Variants in GPSM1 observed in about 807,000 individuals in gnomAD.
The protein encoded by GPSM1 is G protein signaling modulator 1.
GPSM1 carries 48 observed loss-of-function variants against 70.5 expected under a neutral mutation model. The ratio of observed to expected loss-of-function variants is 0.68; its 90% confidence interval spans 0.54 to 0.87. The LOEUF is 0.87. Ranked by LOEUF, GPSM1 falls within the 40% of genes least tolerant of loss-of-function variation. The pLI is 0.00. For missense variants in GPSM1, 981 were observed against 972.6 expected (o/e 1.01, Z -0.11); for synonymous variants, 416 against 430.1 (o/e 0.97, Z 0.41).
rs1171282019 is a variant in GPSM1, at chr9:136,342,383, G to C, written c.1207+1390G>C. Among the ~76,000 whole-genome samples, 1 of 152,208 alleles carries C rather than the reference G, an allele frequency of 6.6e-6. No homozygotes were observed. Among genetic ancestry groups the C allele is most frequent in the Non-Finnish European group, 1.5e-5 (1 of 68,026 alleles). On this transcript the variant is annotated intron_variant, in intron 9 of 13. Transcript: ENST00000440944. The surrounding 1 kb of genome is among the most constrained non-coding windows in gnomAD (Gnocchi z 5.5). Reference sequence around the variant, plus strand: ...TTTCTTTCTTGGAGCCAAGGAAAAGGGGGGCCGGAGTGGGAGGACGCTGGA... The same window carrying C: ...TTTCTTTCTTGGAGCCAAGGAAAAGCGGGGCCGGAGTGGGAGGACGCTGGA...
intron 11 of GPSM1, among the ~76,000 whole-genome samples, chr9:136,350,721 C>T (rs1483558117): frequency 1.4e-4 from 22 of 152,244 alleles, no homozygotes; most frequent in Admixed American, 1.4e-3. Flanking sequence ...CAGAGGGTCA[C>T]AGCCCAGCAA....
At chr9:136,349,463 G>A in intron 10 of GPSM1, 124 bp from the exon 11 acceptor site, 1 of 848,442 alleles carries the variant, frequency 1.2e-6, no homozygotes, top group Non-Finnish European at 1.8e-6. Flanking sequence ...CCTCCTCTCT[G>A]GGTACTGGGC....
intron 13 of GPSM1, among the ~76,000 whole-genome samples, chr9:136,357,782 G>A (rs782028478): frequency 6.6e-6 from 1 of 152,262 alleles, no homozygotes; most frequent in East Asian, 1.9e-4. Context: ...TCCTGGGCGG[G>A]CCTGCCCTGG....
At chr9:136,352,310 A>G (rs189386273) in intron 11 of GPSM1, among the ~76,000 whole-genome samples, 25 of 140,388 alleles carry the variant, frequency 1.8e-4, no homozygotes, top group Admixed American at 5.1e-4. Flanking sequence ...TGTTGGTGAC[A>G]CCGATGCTGC....
In GPSM1 at chr9:136,352,269, G is replaced by A. The variant is rs553055819; in HGVS notation, c.1455+2506G>A. Among the ~76,000 whole-genome samples, 564 of 129,462 alleles carry A rather than the reference G, an allele frequency of 4.4e-3. 137 individuals carry two copies. Among genetic ancestry groups the A allele is most frequent in the Non-Finnish European group, 6.3e-3 (382 of 60,170 alleles). 84.9% of individuals were successfully genotyped at this position (129,462 alleles called of 152,430 possible). ...TTGGTGACACCGATGCTGCGCCGTT[G>A]CTGTTGGTGACACCGATGCTGCGCC... On this transcript the variant is annotated intron_variant, in intron 11 of 13. Transcript: ENST00000440944.
At chr9:136,337,144 AC>A in intron 4 of GPSM1, 72 bp downstream of exon 4, 3 of 1,344,736 alleles carry the variant, frequency 2.2e-6, no homozygotes, top group Non-Finnish European at 3.0e-6. Context: ...ACACTTCCAG[AC>A]CCCCGACCCC....
rs1354221209 is a variant in GPSM1, at chr9:136,343,417, A to C, written c.1207+2424A>C. ...TGTCCCCGATGGCCCTGCCTGTCCC[A>C]CAGGATGTGCGACTGCCCTCGGCCC... On this transcript the variant is annotated intron_variant, in intron 9 of 13. Coordinates refer to ENST00000440944, the MANE Select transcript of GPSM1 (RefSeq NM_001145638.3). The surrounding 1 kb of genome is among the most constrained non-coding windows in gnomAD (Gnocchi z 6.0). Among the ~76,000 whole-genome samples the C allele has an allele frequency of 6.6e-6, 1 of 152,200 alleles. No homozygotes were observed. Among genetic ancestry groups the C allele is most frequent in the Non-Finnish European group, 1.5e-5 (1 of 68,016 alleles).
chr9:136,328,796 C>T (rs1004021932), intron 1 of GPSM1, among the ~76,000 whole-genome samples: 52 of 152,176 alleles, frequency 3.4e-4, no homozygotes, highest in African/African-American at 1.2e-3. Context: ...CTGGGCCCCA[C>T]GCAGGGGAGG....
At chr9:136,334,360 C>A in intron 1 of GPSM1, 87 bp from the exon 2 acceptor site, 2 of 875,264 alleles carry the variant, frequency 2.3e-6, no homozygotes, top group Non-Finnish European at 1.8e-6. Context: ...CACCCAGGGG[C>A]GTCGTCTGTA....
chr9:136,337,391 G>A (rs1386125168), intron 4 of GPSM1, 50 bp from the exon 5 acceptor site: 1 of 1,554,294 alleles, frequency 6.4e-7, no homozygotes, highest in Non-Finnish European at 8.7e-7. Context: ...CCTGGGGTGG[G>A]TGAGGACATG....
chr9:136,340,807 C>T lies in GPSM1; in HGVS notation c.1084-63C>T. The T allele has an allele frequency of 6.6e-7, 1 of 1,506,724 alleles. No homozygotes were observed. The highest frequency in any genetic ancestry group is 1.4e-5 in the African/African-American group (1 of 72,400). The allele number at this position is 1,506,724 out of a possible 1,614,324, so 93.3% of individuals were successfully genotyped here. On this transcript the variant is annotated intron_variant, in intron 8 of 13. Transcript: ENST00000440944. This position sits in a 1 kb window ranked among gnomAD's most constrained non-coding sequence, Gnocchi z 7.3. ...GGTGTACTGGGGGCCATTAAGGTCC[C>T]CTTGGAGCCCACAGCAGGGCCCCCA... is the stretch of plus-strand genomic sequence containing the variant.
chr9:136,354,776 G>C (rs1035658612), intron 11 of GPSM1: 3 of 973,204 alleles, frequency 3.1e-6, no homozygotes, highest in Non-Finnish European at 3.7e-6. Flanking sequence ...TCATTCCTTC[G>C]AGTTCATTCA....
At chr9:136,339,950 T>C in intron 8 of GPSM1, 135 bp downstream of exon 8, 1 of 639,108 alleles carries the variant, frequency 1.6e-6, no homozygotes, top group East Asian at 2.8e-5. Flanking sequence ...AGCTGCCTGG[T>C]CCTTCCGAGG....
chr9:136,340,729 T>C lies in GPSM1; in HGVS notation c.1084-141T>C. On this transcript the variant is annotated intron_variant, in intron 8 of 13. Transcript: ENST00000440944. This position sits in a 1 kb window ranked among gnomAD's most constrained non-coding sequence, Gnocchi z 7.3. ...GGGTCCACAGTGAGTCCTGGTTCCC[T>C]CAGAGGCCCAGGGGTCAGTGACCAG... 1 of 1,246,776 alleles carries C rather than the reference T, an allele frequency of 8.0e-7. No homozygotes were observed. The highest frequency in any genetic ancestry group is 1.1e-6 in the Non-Finnish European group (1 of 928,508). 77.2% of individuals were successfully genotyped at this position (1,246,776 alleles called of 1,614,324 possible).
At chr9:136,328,329 A>G (rs35319705) in intron 1 of GPSM1, among the ~76,000 whole-genome samples, 5,559 of 152,244 alleles carry the variant, frequency 0.037, 129 homozygotes, top group Admixed American at 0.058. Flanking sequence ...CCCAGGTGGC[A>G]TGCCTGCCTG....
chr9:136,356,904 G>T (rs531463739), intron 13 of GPSM1, among the ~76,000 whole-genome samples: 1 of 152,322 alleles, frequency 6.6e-6, no homozygotes, highest in South Asian at 2.1e-4. Flanking sequence ...CTCCACACCC[G>T]GCAGGGAAAA....
At chr9:136,339,396 G>T (rs1309645521) in intron 7 of GPSM1, among the ~76,000 whole-genome samples, 1 of 152,280 alleles carries the variant, frequency 6.6e-6, no homozygotes, top group Non-Finnish European at 1.5e-5. Flanking sequence ...GGCGAGCGAG[G>T]CCAAGGGCCC....
At chr9:136,356,268 C>A in intron 12 of GPSM1, 74 bp from the exon 13 acceptor site, 1 of 1,151,768 alleles carries the variant, frequency 8.7e-7, no homozygotes, top group Non-Finnish European at 1.2e-6. Flanking sequence ...GGTCAGAGCT[C>A]ACTGTGGCCG....
In GPSM1 at chr9:136,342,330, A is replaced by C. The variant is rs1260531451; in HGVS notation, c.1207+1337A>C. 1.3e-5 allele frequency among the ~76,000 whole-genome samples: 2 copies of C among 151,956 alleles called. No homozygotes were observed. Among genetic ancestry groups the C allele is most frequent in the Non-Finnish European group, 2.9e-5 (2 of 67,948 alleles). On this transcript the variant is annotated intron_variant, in intron 9 of 13. Coordinates refer to ENST00000440944, the MANE Select transcript of GPSM1 (RefSeq NM_001145638.3). The surrounding 1 kb of genome is among the most constrained non-coding windows in gnomAD (Gnocchi z 5.5). Reference sequence around the variant, plus strand: ...GAGCAGCTCTGGAAAGGCTCCGCGGAGGCTGCGGCTCTGGGTCCTCCCGAC... The same window carrying C: ...GAGCAGCTCTGGAAAGGCTCCGCGGCGGCTGCGGCTCTGGGTCCTCCCGAC...
Sources: allele counts gnomAD v4.1 joint callset (sites outside exome capture counted in the v4.1 genomes callset), GRCh38; gene constraint gnomAD v4.1.1; non-coding constraint Gnocchi (gnomAD v3.1); transcripts MANE v1.5; gene names NCBI Gene and HGNC (gene_info 2026-07-23, HGNC 2026-07-21).